Variants in OGN observed in about 807,000 individuals in gnomAD.
OGN encodes the protein mimecan.
Under a neutral mutation model 30.8 loss-of-function variants are expected in OGN, and 19 were observed. The observed-to-expected ratio is 0.62, with a 90% CI of 0.43 to 0.90. The LOEUF is 0.90. OGN is among the 40% of genes least tolerant of loss of function. The pLI is 0.00. For synonymous variants in OGN, 126 were observed against 128.3 expected, an observed-to-expected ratio of 0.98 and a Z score of 0.12; for missense variants, 283 against 349.7, an observed-to-expected ratio of 0.81 and a Z score of 1.52.
At chr9:92,402,077 G>T (rs746302614) in intron 2 of OGN, among the ~76,000 whole-genome samples, 1 of 152,084 alleles carries the variant, frequency 6.6e-6, no homozygotes, top group African/African-American at 2.4e-5. Flanking sequence ...CTAAAGCCCT[G>T]TAAAGAGAAG....
At chr9:92,396,476 G>A (rs560941127) in intron 3 of OGN, among the ~76,000 whole-genome samples, 56 of 151,748 alleles carry the variant, frequency 3.7e-4, no homozygotes, top group African/African-American at 9.9e-4. Flanking sequence ...TCTAGACCTC[G>A]AACATAATAC....
intron 2 of OGN, among the ~76,000 whole-genome samples, chr9:92,402,186 CT>C (rs1201208491): frequency 1.3e-5 from 2 of 151,962 alleles, no homozygotes; most frequent in African/African-American, 2.4e-5. Flanking sequence ...TATGATGGGA[CT>C]TTTTTTTCTT....
rs546537732 is a variant in OGN at position 92,399,882 on chromosome 9, C to T, written c.268+1210G>A. Among the ~76,000 whole-genome samples the T allele has an allele frequency of 1.2e-4, 18 of 152,242 alleles. 1 individual carries two copies. Among genetic ancestry groups the T allele is most frequent in the East Asian group, 5.8e-4 (3 of 5,188 alleles). On this transcript the variant is annotated intron_variant, in intron 3 of 6. Transcript: ENST00000375561. ...TTTTTGTCTATTCATATACCAGTAT[C>T]GCACTTTTTAAAGTATAGAGTTTTA...
At chr9:92,386,694 T>TC (rs752565317) in intron 5 of OGN, among the ~76,000 whole-genome samples, 5 of 152,158 alleles carry the variant, frequency 3.3e-5, no homozygotes, top group Non-Finnish European at 7.4e-5. Flanking sequence ...CTCTGGAGTT[T>TC]CCCATCTCAG....
chr9:92,404,375 A>G, intron 1 of OGN, 121 bp downstream of exon 1: 1 of 543,460 alleles, frequency 1.8e-6, no homozygotes, highest in East Asian at 9.9e-5. Context: ...ACTTCTTAAA[A>G]ATTAATTGAG....
intron 1 of OGN, among the ~76,000 whole-genome samples, chr9:92,404,212 A>G (rs1412707668): frequency 2.0e-5 from 3 of 151,630 alleles, no homozygotes; most frequent in Non-Finnish European, 2.9e-5. Context: ...AACTTCAAAC[A>G]GAATCACTCA....
intron 3 of OGN, 57 bp downstream of exon 3, chr9:92,401,035 A>G (rs574037388): frequency 2.5e-6 from 2 of 807,528 alleles, no homozygotes; most frequent in East Asian, 2.5e-5. Flanking sequence ...CAAGGAATAA[A>G]GTCCATTATA....
intron 2 of OGN, among the ~76,000 whole-genome samples, chr9:92,402,159 G>A (rs1843142118): frequency 6.6e-6 from 1 of 152,140 alleles, no homozygotes; most frequent in Admixed American, 6.5e-5. Flanking sequence ...TCATCCAAGT[G>A]AGCCAATAGC....
Position 92,386,196 on chromosome 9 carries a change from C to G in OGN, c.726+5G>C. On this transcript the variant is annotated splice_donor_5th_base_variant and intron_variant, in intron 6 of 6. Coordinates refer to ENST00000375561, the MANE Select transcript of OGN (RefSeq NM_014057.5). ...AGTCAGATATTGTGAAAGGAACTAT[C>G]ATACCTGAAGATGAATTACACGTAG... The G allele has an allele frequency of 1.3e-6, 2 of 1,581,442 alleles. No individual in the cohort carries two copies. Among genetic ancestry groups the G allele is most frequent in the Admixed American group, 3.3e-5 (2 of 59,982 alleles).
chr9:92,393,365 A>G (rs1842766438), intron 3 of OGN, 121 bp from the exon 4 acceptor site: 1 of 715,738 alleles, frequency 1.4e-6, no homozygotes, highest in East Asian at 2.8e-5. Context: ...TTACAGAATC[A>G]TAAGAAAGAT....
At chr9:92,389,706 A>C (rs1307435810) in intron 5 of OGN, 148 bp downstream of exon 5, 1 of 584,834 alleles carries the variant, frequency 1.7e-6, no homozygotes, top group Non-Finnish European at 3.0e-6. Context: ...GCCTAATAGG[A>C]TGGTTATTTA....
At chr9:92,403,519 A>T (rs894861385) in intron 1 of OGN, 37 bp from the exon 2 acceptor site, 34 of 1,447,130 alleles carry the variant, frequency 2.3e-5, no homozygotes, top group Non-Finnish European at 3.0e-5. Flanking sequence ...AGCAATATTT[A>T]AAAGCTTAGA....
At chr9:92,397,636 G>T (rs967284902) in intron 3 of OGN, among the ~76,000 whole-genome samples, 1 of 152,078 alleles carries the variant, frequency 6.6e-6, no homozygotes, top group African/African-American at 2.4e-5. Flanking sequence ...GGCCAGCATT[G>T]GTTTCTTTTA....
intron 5 of OGN, among the ~76,000 whole-genome samples, 165 bp from the exon 6 acceptor site, chr9:92,386,461 G>A (rs1007885496): frequency 2.0e-5 from 3 of 152,014 alleles, no homozygotes; most frequent in African/African-American, 7.2e-5. Context: ...TTCTTGTTTG[G>A]GTTTTTTTTC....
intron 3 of OGN, among the ~76,000 whole-genome samples, chr9:92,397,943 A>G (rs1842957766): frequency 6.6e-6 from 1 of 152,232 alleles, no homozygotes; most frequent in Non-Finnish European, 1.5e-5. Flanking sequence ...AGTTAATAGT[A>G]GTATCTTCTA....
Position 92,389,964 on chromosome 9 carries a change from G to A in OGN, c.520C>T (p.Leu174Phe). The change falls in exon 5 of 7, where the codon CTT becomes TTT. Residue 174 changes from leucine to phenylalanine, a missense_variant. Leu to Phe is a conservative substitution (Grantham distance 22). Transcript: ENST00000375561. The stretch of plus-strand genomic sequence containing the variant: ...AGTTTTAGTAGTTGATTTTCAGCAA[G>A]TGAAAGTTCTTCTAACAGAGAAAGT... The part of the protein sequence containing the change: ...SKLSLLEELS[L>F]AENQLLKLPV... 3.1e-6 allele frequency: 5 copies of A among 1,610,288 alleles called. No homozygotes were observed. The highest frequency in any genetic ancestry group is 3.4e-6 in the Non-Finnish European group (4 of 1,176,806).
At chr9:92,386,072 C>G in intron 6 of OGN, 129 bp downstream of exon 6, 1 of 693,386 alleles carries the variant, frequency 1.4e-6, no homozygotes, top group South Asian at 1.8e-5. Context: ...GATAGGCAGA[C>G]ATTTAGCTAT....
At chr9:92,386,463 T>G (rs1225800024) in intron 5 of OGN, among the ~76,000 whole-genome samples, 167 bp from the exon 6 acceptor site, 3 of 151,950 alleles carry the variant, frequency 2.0e-5, no homozygotes, top group African/African-American at 7.3e-5. Flanking sequence ...CTTGTTTGGG[T>G]TTTTTTTCTG....
chr9:92,388,799 TC>T (rs1448489489), intron 5 of OGN, among the ~76,000 whole-genome samples: 1 of 135,562 alleles, frequency 7.4e-6, no homozygotes, highest in East Asian at 2.2e-4. Flanking sequence ...GCCACTGCAC[TC>T]CAGCCTGGGT....
Sources: allele counts gnomAD v4.1 joint callset (sites outside exome capture counted in the v4.1 genomes callset), GRCh38; gene constraint gnomAD v4.1.1; transcripts MANE v1.5; gene names NCBI Gene and HGNC (gene_info 2026-07-23, HGNC 2026-07-21).